Variants in SPSB1 observed in about 807,000 individuals in gnomAD.
SPSB1 encodes the protein splA/ryanodine receptor domain and SOCS box containing 1.
SPSB1 carries 8 observed loss-of-function variants against 21.2 expected under a neutral mutation model. That is an observed-to-expected ratio of 0.38 (90% CI 0.22 to 0.68). SPSB1 has a LOEUF of 0.68. SPSB1 is among the 30% of genes least tolerant of loss of function. The pLI is 0.53. For synonymous variants in SPSB1, 169 were observed against 161.7 expected (o/e 1.05, Z -0.34); for missense variants, 242 against 377.8 (o/e 0.64, Z 2.98).
Position 9,352,132 on chromosome 1 carries a change from T to G in SPSB1, c.-149-3611T>G, listed in dbSNP as rs568544749. Among the ~76,000 whole-genome samples the G allele has an allele frequency of 2.0e-5, 3 of 152,234 alleles. No homozygotes were observed. The South Asian group carries it at 6.2e-4, about 32-fold the overall frequency. The stretch of plus-strand genomic sequence containing the variant: ...GGAGGGGTTGTGGTTCAGGTTAGGT[T>G]TAGGGAGCTCAGCCCAGCATTGGTG... On this transcript the variant is annotated intron_variant, in intron 1 of 2. Transcript: ENST00000328089.
Position 9,346,936 on chromosome 1 carries a change from G to A in SPSB1, c.-149-8807G>A, listed in dbSNP as rs890132839. Among the ~76,000 whole-genome samples the A allele has an allele frequency of 2.6e-5, 4 of 152,260 alleles. No individual in the cohort carries two copies. The highest frequency in any genetic ancestry group is 2.0e-4 in the Admixed American group (3 of 15,294). ...CTGTAATTTTGAAACAGTATAATCG[G>A]AAGTCTTGGGATAGATCACTGTAGA... On this transcript the variant is annotated intron_variant, in intron 1 of 2. Coordinates refer to ENST00000328089, the MANE Select transcript of SPSB1 (RefSeq NM_025106.4). The surrounding 1 kb of genome is among the most constrained non-coding windows in gnomAD (Gnocchi z 4.4).
intron 1 of SPSB1, among the ~76,000 whole-genome samples, chr1:9,331,152 C>G (rs910384680): frequency 2.0e-5 from 3 of 149,460 alleles, no homozygotes; most frequent in East Asian, 1.9e-4. Context: ...GTGGTTCTAC[C>G]TCGTCTTTTT....
At chr1:9,313,692 A>G (rs1639562550) in intron 1 of SPSB1, among the ~76,000 whole-genome samples, 1 of 152,252 alleles carries the variant, frequency 6.6e-6, no homozygotes. Flanking sequence ...GAGCACAGGC[A>G]GGAAGGTAAG....
At chr1:9,315,941 C>T (rs1326244486) in intron 1 of SPSB1, among the ~76,000 whole-genome samples, 2 of 152,228 alleles carry the variant, frequency 1.3e-5, no homozygotes, top group Admixed American at 6.5e-5. Flanking sequence ...GGGTTTCACG[C>T]GTGCGGCTCC....
At chr1:9,294,316 G>A (rs1265176603) in intron 1 of SPSB1, among the ~76,000 whole-genome samples, 1 of 151,984 alleles carries the variant, frequency 6.6e-6, no homozygotes, top group Admixed American at 6.6e-5. Flanking sequence ...GTGTATGTGT[G>A]AGTGTCTGTG....
At chr1:9,350,573 C>T (rs1267362780) in intron 1 of SPSB1, among the ~76,000 whole-genome samples, 2 of 152,304 alleles carry the variant, frequency 1.3e-5, no homozygotes, top group African/African-American at 4.8e-5. Context: ...ACAGTGTACA[C>T]GTGTGTGCAT....
At chr1:9,350,220 C>T (rs1485744330) in intron 1 of SPSB1, among the ~76,000 whole-genome samples, 2 of 152,240 alleles carry the variant, frequency 1.3e-5, no homozygotes, top group East Asian at 3.8e-4. Context: ...CTTCAGGAAG[C>T]ACCAGACATT....
intron 1 of SPSB1, among the ~76,000 whole-genome samples, chr1:9,335,946 T>G (rs955822445): frequency 3.9e-5 from 6 of 152,220 alleles, no homozygotes; most frequent in African/African-American, 1.4e-4. Flanking sequence ...TTCATACATA[T>G]CAAGTACAAG....
At chr1:9,322,692 G>A (rs1408323804) in intron 1 of SPSB1, among the ~76,000 whole-genome samples, 1 of 152,212 alleles carries the variant, frequency 6.6e-6, no homozygotes, top group Non-Finnish European at 1.5e-5. Context: ...GTTCCACTGT[G>A]GCTGGAATAT....
intron 1 of SPSB1, among the ~76,000 whole-genome samples, chr1:9,350,916 C>G (rs1310648421): frequency 6.6e-6 from 1 of 152,176 alleles, no homozygotes; most frequent in Non-Finnish European, 1.5e-5. Flanking sequence ...AGTGTAGTGC[C>G]CGGTGCTGGA....
At chr1:9,351,723 G>A (rs979192704) in intron 1 of SPSB1, 1 of 152,390 alleles carries the variant, frequency 6.6e-6, no homozygotes, top group African/African-American at 2.4e-5. Flanking sequence ...ACAGCAAGGA[G>A]GTGGCTAGGT....
rs1163385893 is a variant in SPSB1 at position 9,367,758 on chromosome 1, C to T, written c.*183C>T. On this transcript the variant is annotated 3_prime_UTR_variant, in exon 3 of 3. Transcript: ENST00000328089. This position sits in a 1 kb window ranked among gnomAD's most constrained non-coding sequence, Gnocchi z 5.9. ...CAAGGACCGATTCCAACACAGGCTC[C>T]TCTTTCCCCCTTCCCGACATCAGCA... The T allele has an allele frequency of 3.5e-6, 3 of 866,774 alleles. No individual in the cohort carries two copies. In the East Asian group the frequency reaches 8.1e-5, roughly 23 times the overall value. The allele number at this position is 866,774 out of a possible 1,614,324, so 53.7% of individuals were successfully genotyped here. A position where few individuals can be genotyped will look rare whatever the true frequency, so the allele number is the denominator to read the frequency against.
Position 9,355,829 on chromosome 1 carries a change from C to T in SPSB1, c.-63C>T, listed in dbSNP as rs1640352290. 5 of 1,513,854 alleles carry T rather than the reference C, an allele frequency of 3.3e-6. No homozygotes were observed. The highest frequency in any genetic ancestry group is 2.2e-5 in the Admixed American group (1 of 44,790). 93.8% of individuals were successfully genotyped at this position (1,513,854 alleles called of 1,614,324 possible). ...CTGGCCCCGATCAGAATACTGGAGA[C>T]GAGACCACGAGATTGATGAGTTTGC... is the stretch of plus-strand genomic sequence containing the variant. On this transcript the variant is annotated 5_prime_UTR_variant, in exon 2 of 3. It adds an upstream start codon to the 5' untranslated region. Transcript: ENST00000328089.
At chr1:9,337,327 G>A (rs1207515430) in intron 1 of SPSB1, among the ~76,000 whole-genome samples, 4 of 152,128 alleles carry the variant, frequency 2.6e-5, no homozygotes, top group South Asian at 2.1e-4. Flanking sequence ...GGCCAAGGAC[G>A]GGGGCTCAGT....
chr1:9,357,707 G>T (rs1393819810), intron 2 of SPSB1, among the ~76,000 whole-genome samples: 1 of 152,192 alleles, frequency 6.6e-6, no homozygotes, highest in East Asian at 1.9e-4. Flanking sequence ...AAGGGGAGTG[G>T]CCTTTCTCAG....
intron 1 of SPSB1, among the ~76,000 whole-genome samples, chr1:9,330,387 C>G (rs887589677): frequency 6.6e-6 from 1 of 152,142 alleles, no homozygotes; most frequent in Non-Finnish European, 1.5e-5. Flanking sequence ...ATCGCTTGAA[C>G]CCGGGAGGCG....
chr1:9,347,235 G>A (rs1569637053), intron 1 of SPSB1, among the ~76,000 whole-genome samples: 1 of 152,198 alleles, frequency 6.6e-6, no homozygotes, highest in Admixed American at 6.5e-5. Flanking sequence ...AAGCATTCAG[G>A]ACAATAGTGC....
rs183290646 is a variant in SPSB1, at chr1:9,321,156, C to A, written c.-150+28085C>A. Reference sequence around the variant, plus strand: ...ACAACCAAAAAATCCCCCCAAAACACAAAGCTGGAAAAAGCTCTTAAACCT... The same window carrying A: ...ACAACCAAAAAATCCCCCCAAAACAAAAAGCTGGAAAAAGCTCTTAAACCT... On this transcript the variant is annotated intron_variant, in intron 1 of 2. Coordinates refer to ENST00000328089, the MANE Select transcript of SPSB1 (RefSeq NM_025106.4). The surrounding 1 kb of genome is among the most constrained non-coding windows in gnomAD (Gnocchi z 4.8). Among the ~76,000 whole-genome samples the A allele has an allele frequency of 1.9e-4, 29 of 151,950 alleles. 1 individual carries two copies. In the East Asian group the frequency reaches 5.4e-3, roughly 28 times the overall value.
rs761307867 is a variant in SPSB1 at position 9,367,542 on chromosome 1, G to A, written c.789G>A (p.Pro263=). ...GGGAGATCCACACGCTGCCGCTGCC[G>A]GCTTCCCTCAAGGCCTACCTCCTCT... ...RLGEIHTLPL[P]ASLKAYLLYQ The change falls in exon 3 of 3, where the codon CCG becomes CCA. Residue 263 remains proline, a synonymous_variant. Transcript: ENST00000328089. The surrounding 1 kb of genome is among the most constrained non-coding windows in gnomAD (Gnocchi z 5.9). 1.6e-5 allele frequency: 26 copies of A among 1,612,542 alleles called. No individual in the cohort carries two copies. The highest frequency in any genetic ancestry group is 3.3e-4 in the Middle Eastern group (2 of 6,002).
Sources: allele counts gnomAD v4.1 joint callset (sites outside exome capture counted in the v4.1 genomes callset), GRCh38; gene constraint gnomAD v4.1.1; non-coding constraint Gnocchi (gnomAD v3.1); transcripts MANE v1.5; gene names NCBI Gene and HGNC (gene_info 2026-07-23, HGNC 2026-07-21).